Variants in SAMD12 observed in about 807,000 individuals in gnomAD.
SAMD12 encodes the protein sterile alpha motif domain containing 12, also known as sterile alpha motif domain-containing protein 12.
Under a neutral mutation model 15.0 loss-of-function variants are expected in SAMD12, and 9 were observed. The ratio of observed to expected loss-of-function variants is 0.60; its 90% CI spans 0.36 to 1.05. The LOEUF is 1.05. Ranked by LOEUF, SAMD12 falls within the 50% of genes least tolerant of loss-of-function variation. SAMD12 has a pLI of 0.01. For missense variants in SAMD12, 230 were observed against 234.2 expected (o/e 0.98, Z 0.12); for synonymous variants, 86 against 90.1 (o/e 0.96, Z 0.25).
chr8:118,317,463 T>C (rs1563758070), intron 4 of SAMD12, among the ~76,000 whole-genome samples: 1 of 152,190 alleles, frequency 6.6e-6, no homozygotes, highest in African/African-American at 2.4e-5. Context: ...GAATAAATGA[T>C]CGAGAACTGC....
At position 118,392,786 on chromosome 8, in the gene SAMD12, G is replaced by A. The variant is rs145090793; in HGVS notation, c.323-13086C>T. The stretch of plus-strand genomic sequence containing the variant: ...TGTGATACCAGCTACCTTATGCACT[G>A]CAGGATGCTGTGTGGCATCCTTGGC... On this transcript the variant is annotated intron_variant, in intron 3 of 3. Transcript: ENST00000314727. Among the ~76,000 whole-genome samples the A allele has an allele frequency of 5.3e-3, 802 of 152,254 alleles. 18 individuals carry two copies. Among genetic ancestry groups the A allele is most frequent in the East Asian group, 0.041 (213 of 5,186 alleles).
chr8:118,148,429 G>T, the SAMD12 span, among the ~76,000 whole-genome samples: 1 of 152,186 alleles, frequency 6.6e-6, no homozygotes, highest in African/African-American at 2.4e-5. Context: ...TTTTCAAGTT[G>T]TCATTGACAT....
intron 2 of SAMD12, among the ~76,000 whole-genome samples, chr8:118,458,243 CCTTTT>C (rs1391509953): frequency 6.6e-6 from 1 of 152,130 alleles, no homozygotes; most frequent in Non-Finnish European, 1.5e-5. Flanking sequence ...AATAAGCTTC[CCTTTT>C]CATTTTTTAA....
chr8:118,422,015 T>C (rs1467101810), intron 3 of SAMD12, among the ~76,000 whole-genome samples: 1 of 152,048 alleles, frequency 6.6e-6, no homozygotes, highest in Non-Finnish European at 1.5e-5. Flanking sequence ...GGAATGTAAG[T>C]GTAAGAAGTT....
the SAMD12 span, among the ~76,000 whole-genome samples, chr8:118,171,600 T>C: frequency 1.3e-5 from 2 of 152,138 alleles, no homozygotes; most frequent in African/African-American, 4.8e-5. Context: ...ATATATTGTG[T>C]GATTGCATTC....
intron 2 of SAMD12, among the ~76,000 whole-genome samples, chr8:118,502,199 T>C (rs1824802396): frequency 6.7e-6 from 1 of 148,154 alleles, no homozygotes; most frequent in South Asian, 2.3e-4. Flanking sequence ...TAAAACTATA[T>C]CTTCCAGGGA....
chr8:118,352,994 A>C (rs955177140), intron 4 of SAMD12, among the ~76,000 whole-genome samples: 1 of 152,214 alleles, frequency 6.6e-6, no homozygotes, highest in Non-Finnish European at 1.5e-5. Flanking sequence ...AAAACCTGAG[A>C]GAATACAAGG....
chr8:118,599,771 T>A (rs760296579), intron 1 of SAMD12, among the ~76,000 whole-genome samples: 1 of 152,052 alleles, frequency 6.6e-6, no homozygotes, highest in African/African-American at 2.4e-5. Flanking sequence ...TAGGAATTAG[T>A]GGGAAATAAT....
At chr8:118,254,146 G>A (rs1206040498) in intron 4 of SAMD12, among the ~76,000 whole-genome samples, 1 of 152,156 alleles carries the variant, frequency 6.6e-6, no homozygotes, top group Non-Finnish European at 1.5e-5. Context: ...AAAGATGAAA[G>A]ACGTAGAGGA....
chr8:118,152,495 C>CCTT, the SAMD12 span, among the ~76,000 whole-genome samples: 2 of 147,714 alleles, frequency 1.4e-5, no homozygotes, highest in Non-Finnish European at 3.0e-5. Flanking sequence ...TTCCTTCCTT[C>CCTT]CTTCCTTCTT....
chr8:118,317,749 T>C (rs1288227305), intron 4 of SAMD12, among the ~76,000 whole-genome samples: 2 of 152,176 alleles, frequency 1.3e-5, no homozygotes, highest in Non-Finnish European at 2.9e-5. Flanking sequence ...AGGTGTACTT[T>C]TCTGTGTTAT....
chr8:118,147,845 A>C, the SAMD12 span, among the ~76,000 whole-genome samples: 1 of 151,634 alleles, frequency 6.6e-6, no homozygotes, highest in Non-Finnish European at 1.5e-5. Context: ...AAACTCCTAG[A>C]CTCAAGAGAT....
At chr8:118,409,626 A>G (rs903028806) in intron 3 of SAMD12, among the ~76,000 whole-genome samples, 2 of 152,154 alleles carry the variant, frequency 1.3e-5, no homozygotes, top group African/African-American at 4.8e-5. Flanking sequence ...AAGAGAGGTG[A>G]TAAATCCACA....
chr8:118,246,328 C>T (rs969546556), intron 4 of SAMD12, among the ~76,000 whole-genome samples: 57 of 152,038 alleles, frequency 3.7e-4, no homozygotes, highest in African/African-American at 1.3e-3. Context: ...TTTCACTGAT[C>T]CAGTGAGAGG....
At chr8:118,433,594 T>C (rs1822486745) in intron 3 of SAMD12, among the ~76,000 whole-genome samples, 1 of 152,142 alleles carries the variant, frequency 6.6e-6, no homozygotes, top group African/African-American at 2.4e-5. Flanking sequence ...AGAAAGCTAG[T>C]AAGTGTTCCA....
chr8:118,423,651 C>G (rs1030720760), intron 3 of SAMD12, among the ~76,000 whole-genome samples: 4 of 151,694 alleles, frequency 2.6e-5, no homozygotes, highest in African/African-American at 9.7e-5. Flanking sequence ...TGTTATCCCT[C>G]AGAGTGTACA....
chr8:118,134,643 C>T, the SAMD12 span, among the ~76,000 whole-genome samples: 2 of 152,162 alleles, frequency 1.3e-5, no homozygotes, highest in Admixed American at 6.5e-5. Context: ...ATGAGCTCTC[C>T]AGGTGATTCC....
At chr8:118,307,434 G>A (rs1311463087) in intron 4 of SAMD12, among the ~76,000 whole-genome samples, 1 of 152,204 alleles carries the variant, frequency 6.6e-6, no homozygotes, top group Non-Finnish European at 1.5e-5. Flanking sequence ...TGGACCACAT[G>A]ATGAGAAACA....
intron 4 of SAMD12, chr8:118,284,526 C>T (rs1475845702): frequency 1.2e-5 from 4 of 345,820 alleles, no homozygotes; most frequent in African/African-American, 2.2e-5. Context: ...AAAAATGGAA[C>T]ATCAAGACTG....
Sources: allele counts gnomAD v4.1 joint callset (sites outside exome capture counted in the v4.1 genomes callset), GRCh38; gene constraint gnomAD v4.1.1; transcripts MANE v1.5; gene names NCBI Gene and HGNC (gene_info 2026-07-23, HGNC 2026-07-21).